Variants in PCNX4 observed in about 807,000 individuals in gnomAD.
The protein encoded by PCNX4 is pecanex-like protein 4.
In PCNX4, 103 loss-of-function variants were observed where a neutral mutation model predicts 107.2. The observed-to-expected ratio is 0.96, with a 90% CI of 0.82 to 1.13. PCNX4 has a LOEUF of 1.13. PCNX4 is among the 50% of genes most tolerant of loss of function. The pLI, the probability that PCNX4 is intolerant of heterozygous loss-of-function variation, is 0.00. For missense variants in PCNX4, 1,528 were observed against 1,379.4 expected (o/e 1.11, Z -1.71); for synonymous variants, 541 against 481.7 (o/e 1.12, Z -1.61).
intron 2 of PCNX4, among the ~76,000 whole-genome samples, chr14:60,113,463 G>C (rs976386983): frequency 6.6e-6 from 1 of 152,054 alleles, no homozygotes; most frequent in Non-Finnish European, 1.5e-5. Flanking sequence ...CCGCCTCCCA[G>C]GTTCAAGCGA....
intron 10 of PCNX4, among the ~76,000 whole-genome samples, chr14:60,130,962 C>G (rs969353604): frequency 6.6e-6 from 1 of 151,866 alleles, no homozygotes; most frequent in Non-Finnish European, 1.5e-5. Context: ...TAGATGAGAT[C>G]GTGAGCATGG....
intron 1 of PCNX4, among the ~76,000 whole-genome samples, chr14:60,096,566 T>C (rs1211063110): frequency 6.6e-6 from 1 of 152,196 alleles, no homozygotes; most frequent in Admixed American, 6.5e-5. Context: ...TCCTAACCAC[T>C]CTGGAGGTAA....
At chr14:60,119,046 T>A (rs1895905671) in intron 7 of PCNX4, among the ~76,000 whole-genome samples, 1 of 152,234 alleles carries the variant, frequency 6.6e-6, no homozygotes, top group Non-Finnish European at 1.5e-5. Flanking sequence ...GTCAAGTAAA[T>A]GCAGTAGCAT....
intron 9 of PCNX4, 50 bp downstream of exon 9, chr14:60,125,301 G>C (rs756263263): frequency 6.4e-6 from 9 of 1,407,068 alleles, no homozygotes; most frequent in African/African-American, 1.4e-5. Flanking sequence ...GAAAAATACT[G>C]ATTTTTCTAA....
intron 1 of PCNX4, among the ~76,000 whole-genome samples, chr14:60,102,085 A>G (rs527781025): frequency 6.6e-6 from 1 of 152,336 alleles, no homozygotes; most frequent in African/African-American, 2.4e-5. Flanking sequence ...GAAAATAGGG[A>G]GTTGCTATTC....
chr14:60,127,247 G>C (rs1045735955), intron 10 of PCNX4, among the ~76,000 whole-genome samples: 2 of 152,212 alleles, frequency 1.3e-5, no homozygotes, highest in African/African-American at 4.8e-5. Context: ...AAACTGGCTA[G>C]ATTTTTTTCA....
At position 60,140,619 on chromosome 14, in the gene PCNX4, C is replaced by T. The variant is rs951121981; in HGVS notation, c.*6398C>T. ...ACACACATACACACACACACACACA[C>T]CCCTACACACACAGAATAATCACAA... On this transcript the variant is annotated 3_prime_UTR_variant, in exon 11 of 11. Coordinates refer to ENST00000406854, the MANE Select transcript of PCNX4 (RefSeq NM_001330177.2). The surrounding 1 kb of genome is among the most constrained non-coding windows in gnomAD (Gnocchi z 4.2). The T allele has an allele frequency of 2.0e-5, 3 of 151,038 alleles. No homozygotes were observed. Among genetic ancestry groups the T allele is most frequent in the Non-Finnish European group, 4.4e-5 (3 of 67,780 alleles). 9.4% of individuals were successfully genotyped at this position (151,038 alleles called of 1,614,324 possible). A position where few individuals can be genotyped will look rare whatever the true frequency, so the allele number is the denominator to read the frequency against.
At position 60,115,595 on chromosome 14, in the gene PCNX4, GTT is replaced by G. The variant is rs1241919031; in HGVS notation, c.1358-122_1358-121del. ...TTGTTCTTTTATGTTATGGTTTTTT[GTT>G]TATTGGCTTTTTAGTTCATCGCTTA... is the stretch of plus-strand genomic sequence containing the variant. On this transcript the variant is annotated intron_variant, in intron 4 of 10. Transcript: ENST00000406854. 25 of 1,357,176 alleles carry G rather than the reference GTT, an allele frequency of 1.8e-5. 1 individual carries two copies. The East Asian group carries it at 5.4e-4, about 29-fold the overall frequency. The allele number at this position is 1,357,176 out of a possible 1,614,324, so 84.1% of individuals were successfully genotyped here.
intron 2 of PCNX4, chr14:60,108,535 T>C (rs1895675218): frequency 1.6e-5 from 6 of 382,830 alleles, no homozygotes; most frequent in Non-Finnish European, 2.4e-5. Context: ...AAGAGTTTTT[T>C]TAAAAAACCC....
At position 60,134,238 on chromosome 14, in the gene PCNX4, A is replaced by G. The variant is rs766413369; in HGVS notation, c.*17A>G. On this transcript the variant is annotated 3_prime_UTR_variant, in exon 11 of 11. Coordinates refer to ENST00000406854, the MANE Select transcript of PCNX4 (RefSeq NM_001330177.2). ...TTGTATTAGAGCTCATTTTGACTGT[A>G]ATGTCATCAAATGCAATGTTTTTAT... 3 of 1,604,770 alleles carry G rather than the reference A, an allele frequency of 1.9e-6. No homozygotes were observed. The highest frequency in any genetic ancestry group is 2.6e-6 in the Non-Finnish European group (3 of 1,174,914).
intron 9 of PCNX4, 91 bp downstream of exon 9, chr14:60,125,342 T>C (rs961583726): frequency 7.8e-7 from 1 of 1,284,376 alleles, no homozygotes; most frequent in Non-Finnish European, 1.0e-6. Flanking sequence ...TATTCGTTTC[T>C]AGTTTTTTAA....
rs111840428 is a variant in PCNX4, at chr14:60,140,601, T to TAC, written c.*6397_*6398dup. 0.24 allele frequency: 35,371 copies of TAC among 149,532 alleles called. 5,210 individuals carry two copies. Among genetic ancestry groups the TAC allele is most frequent in the African/African-American group, 0.42 (17,077 of 40,908 alleles). The allele number at this position is 149,532 out of a possible 1,614,324, so 9.3% of individuals were successfully genotyped here. ...ATACTAGCAAACTAAACTACACACATACACACACACACACACACCCCTACA... is the reference window on the plus strand; with the variant it reads ...ATACTAGCAAACTAAACTACACACATACACACACACACACACACACCCCTACA... On this transcript the variant is annotated 3_prime_UTR_variant, in exon 11 of 11. Transcript: ENST00000406854. This position sits in a 1 kb window ranked among gnomAD's most constrained non-coding sequence, Gnocchi z 4.2.
At chr14:60,106,140 T>C (rs141010305) in intron 1 of PCNX4, among the ~76,000 whole-genome samples, 70 of 152,278 alleles carry the variant, frequency 4.6e-4, no homozygotes, top group Middle Eastern at 6.8e-3. Flanking sequence ...TAAGGTTCGA[T>C]TTGGCCCTGT....
chr14:60,108,029 A>C lies in PCNX4; in HGVS notation c.391A>C (p.Ile131Leu). Residue 131 changes from isoleucine to leucine, a missense_variant, in exon 2 of 11, where the codon ATT (isoleucine) becomes CTT (leucine). Ile to Leu is a conservative substitution (Grantham distance 5). Transcript: ENST00000406854. ...TGGTGCTGAGACTGTCAAATTTCTC[A>C]TTCCTGGCAAGAAATATGTAGCCAA... Reference protein sequence around the residue: ...CTGAETVKFLIPGKKYVANTV... With the variant: ...CTGAETVKFLLPGKKYVANTV... The C allele has an allele frequency of 6.2e-7, 1 of 1,612,882 alleles. No individual in the cohort carries two copies. The highest frequency in any genetic ancestry group is 8.5e-7 in the Non-Finnish European group (1 of 1,179,874).
rs1896034816 is a variant in PCNX4 at position 60,125,325 on chromosome 14, A to T, written c.3080+74A>T. 6 of 1,342,212 alleles carry T rather than the reference A, an allele frequency of 4.5e-6. No individual in the cohort carries two copies. In the African/African-American group the frequency reaches 9.0e-5, roughly 20 times the overall value. 83.1% of individuals were successfully genotyped at this position (1,342,212 alleles called of 1,614,324 possible). A position where few individuals can be genotyped will look rare whatever the true frequency, so the allele number is the denominator to read the frequency against. On this transcript the variant is annotated intron_variant, in intron 9 of 10. Transcript: ENST00000406854. The stretch of plus-strand genomic sequence containing the variant: ...TGATTTTTCTAAATCACGTACAAGA[A>T]GACAGTTATTCGTTTCTAGTTTTTT...
Position 60,111,664 on chromosome 14 carries a change from G to T in PCNX4, c.690-3036G>T, listed in dbSNP as rs868181275. On this transcript the variant is annotated intron_variant, in intron 2 of 10. Coordinates refer to ENST00000406854, the MANE Select transcript of PCNX4 (RefSeq NM_001330177.2). ...TCCTAGGTTCTTTAATTTTAAAAAAGAATCTTTTAATTTGGTTTTCCCGAC... is the reference window on the plus strand; with the variant it reads ...TCCTAGGTTCTTTAATTTTAAAAAATAATCTTTTAATTTGGTTTTCCCGAC... 3.3e-5 allele frequency among the ~76,000 whole-genome samples: 5 copies of T among 152,144 alleles called. No individual in the cohort carries two copies. In the South Asian group the frequency reaches 8.3e-4, roughly 25 times the overall value.
chr14:60,121,171 T>C, intron 7 of PCNX4, 25 bp from the exon 8 acceptor site: 2 of 1,509,660 alleles, frequency 1.3e-6, no homozygotes, highest in Admixed American at 2.3e-5. Context: ...CTTTTTTTTT[T>C]TTTTTTTTTT....
intron 9 of PCNX4, 101 bp from the exon 10 acceptor site, chr14:60,125,536 T>C (rs1896038347): frequency 9.0e-6 from 8 of 886,522 alleles, no homozygotes; most frequent in Non-Finnish European, 1.3e-5. Flanking sequence ...ATAGATATGA[T>C]TTCAGTTCAA....
intron 1 of PCNX4, among the ~76,000 whole-genome samples, chr14:60,094,627 G>C (rs7145995): frequency 6.6e-6 from 1 of 152,014 alleles, no homozygotes; most frequent in Admixed American, 6.5e-5. Flanking sequence ...ATCCTGCCGG[G>C]CAGCAAACCA....
Sources: allele counts gnomAD v4.1 joint callset (sites outside exome capture counted in the v4.1 genomes callset), GRCh38; gene constraint gnomAD v4.1.1; non-coding constraint Gnocchi (gnomAD v3.1); transcripts MANE v1.5; gene names NCBI Gene and HGNC (gene_info 2026-07-23, HGNC 2026-07-21).